AZIN1: variants seen among roughly 807,000 people sequenced by gnomAD.
The protein encoded by AZIN1 is ornithine decarboxylase antizyme inhibitor.
Under a neutral mutation model 47.4 loss-of-function variants are expected in AZIN1, and 12 were observed. That is an observed-to-expected ratio of 0.25 (90% CI 0.16 to 0.41). AZIN1 has a LOEUF of 0.41. AZIN1 is among the 10% of genes least tolerant of loss of function. The pLI is 1.00. For missense variants in AZIN1, 410 were observed against 532.4 expected (o/e 0.77, Z 2.26); for synonymous variants, 155 against 176.3 (o/e 0.88, Z 0.96).
Position 102,828,501 on chromosome 8 carries a change from A to G in AZIN1, c.*66T>C. ...ATAAGATTGTTTAAATTATTTTTCCACACTGGAATGTTGACCAGACAAGCT... is the reference window on the plus strand; with the variant it reads ...ATAAGATTGTTTAAATTATTTTTCCGCACTGGAATGTTGACCAGACAAGCT... On this transcript the variant is annotated 3_prime_UTR_variant, in exon 12 of 12. Transcript: ENST00000337198. 9.6e-7 allele frequency: 1 copy of G among 1,038,820 alleles called. No individual in the cohort carries two copies. Among genetic ancestry groups the G allele is most frequent in the South Asian group, 1.6e-5 (1 of 62,326 alleles). 64.4% of individuals were successfully genotyped at this position (1,038,820 alleles called of 1,614,324 possible).
intron 6 of AZIN1, among the ~76,000 whole-genome samples, chr8:102,835,663 A>G (rs569359802): frequency 1.3e-5 from 2 of 152,300 alleles, no homozygotes; most frequent in African/African-American, 4.8e-5. Context: ...TAAATAATAA[A>G]ATTAAAGAAA....
chr8:102,848,113 C>T (rs549524862), intron 2 of AZIN1, among the ~76,000 whole-genome samples: 32 of 152,066 alleles, frequency 2.1e-4, no homozygotes, highest in African/African-American at 7.2e-4. Flanking sequence ...ACTCGGTATA[C>T]AGGATGGTAG....
At chr8:102,851,408 A>G in intron 2 of AZIN1, among the ~76,000 whole-genome samples, 1 of 152,212 alleles carries the variant, frequency 6.6e-6, no homozygotes, top group Non-Finnish European at 1.5e-5. Context: ...TAAGCAGGTT[A>G]TTAAGAAATC....
chr8:102,848,058 ATACT>A (rs1766851884), intron 2 of AZIN1, among the ~76,000 whole-genome samples: 1 of 152,202 alleles, frequency 6.6e-6, no homozygotes, highest in Admixed American at 6.5e-5. Flanking sequence ...AGATACACAG[ATACT>A]TACCACTGTG....
Position 102,843,543 on chromosome 8 carries a change from G to A in AZIN1, c.102+8C>T. The A allele has an allele frequency of 6.2e-7, 1 of 1,607,130 alleles. No individual in the cohort carries two copies. The highest frequency in any genetic ancestry group is 1.1e-5 in the South Asian group (1 of 90,690). ...TGACAAACACTGTATTTGAGAAATGGCACTTACCAGGGTATGTTCATAAAC... is the reference window on the plus strand; with the variant it reads ...TGACAAACACTGTATTTGAGAAATGACACTTACCAGGGTATGTTCATAAAC... On this transcript the variant is annotated splice_region_variant and intron_variant, in intron 3 of 11. Transcript: ENST00000337198.
At chr8:102,834,332 CCCCTCCTAGGGAGGT>C in intron 7 of AZIN1, 69 bp from the exon 8 acceptor site, 3 of 1,326,994 alleles carry the variant, frequency 2.3e-6, no homozygotes, top group Non-Finnish European at 3.2e-6. Flanking sequence ...TTTTAAAAAC[CCCCTCCTAGGGAGGT>C]AAATATCTGT....
chr8:102,849,527 T>C (rs929796812), intron 2 of AZIN1, among the ~76,000 whole-genome samples: 1 of 152,118 alleles, frequency 6.6e-6, no homozygotes, highest in Non-Finnish European at 1.5e-5. Flanking sequence ...GAACTAATTA[T>C]ATTAAACTTG....
At chr8:102,852,638 G>A (rs1022376119) in intron 2 of AZIN1, among the ~76,000 whole-genome samples, 3 of 152,106 alleles carry the variant, frequency 2.0e-5, no homozygotes, top group African/African-American at 4.8e-5. Context: ...CATGCACAAC[G>A]TGGCTGGACC....
intron 2 of AZIN1, among the ~76,000 whole-genome samples, chr8:102,856,997 C>T (rs956349905): frequency 6.6e-6 from 1 of 152,160 alleles, no homozygotes; most frequent in Non-Finnish European, 1.5e-5. Context: ...CAGTTTAACA[C>T]AAAAAGAACT....
chr8:102,843,236 A>T (rs145440258), intron 3 of AZIN1, among the ~76,000 whole-genome samples: 2 of 152,062 alleles, frequency 1.3e-5, no homozygotes. Context: ...AAATTGAGAA[A>T]AATGAGTAAG....
intron 3 of AZIN1, among the ~76,000 whole-genome samples, chr8:102,842,136 AC>A (rs1812240002): frequency 6.6e-6 from 1 of 151,962 alleles, no homozygotes; most frequent in South Asian, 2.1e-4. Flanking sequence ...AAAGAAAATC[AC>A]CTTAAGTAGC....
At chr8:102,853,872 TG>T (rs979088998) in intron 2 of AZIN1, among the ~76,000 whole-genome samples, 2 of 124,434 alleles carry the variant, frequency 1.6e-5, no homozygotes, top group Admixed American at 1.7e-4. Context: ...AATCGGGGGG[TG>T]GGGGGAGAAA....
intron 9 of AZIN1, 134 bp from the exon 10 acceptor site, chr8:102,830,070 G>A: frequency 1.1e-5 from 7 of 637,272 alleles, no homozygotes; most frequent in Non-Finnish European, 1.9e-5. Flanking sequence ...CACAAAGGAA[G>A]ATAACCAATG....
rs532805565 is a variant in AZIN1 at position 102,859,702 on chromosome 8, G to A, written c.-233-1552C>T. 2.6e-5 allele frequency among the ~76,000 whole-genome samples: 4 copies of A among 152,250 alleles called. No homozygotes were observed. In the South Asian group the frequency reaches 6.2e-4, roughly 24 times the overall value. On this transcript the variant is annotated intron_variant, in intron 1 of 11. Coordinates refer to ENST00000337198, the MANE Select transcript of AZIN1 (RefSeq NM_148174.4). ...AATACAAAAATCAGCTGGGCATGGC[G>A]GTGCACACCTGTAATCCCAGCTACT...
At chr8:102,849,082 G>A (rs1362338953) in intron 2 of AZIN1, among the ~76,000 whole-genome samples, 3 of 152,048 alleles carry the variant, frequency 2.0e-5, no homozygotes, top group Non-Finnish European at 2.9e-5. Flanking sequence ...CAGATCACGA[G>A]GTTGAGATCG....
At chr8:102,862,467 C>G (rs1167870704) in intron 1 of AZIN1, among the ~76,000 whole-genome samples, 1 of 152,164 alleles carries the variant, frequency 6.6e-6, no homozygotes, top group Non-Finnish European at 1.5e-5. Flanking sequence ...TAATCATTTT[C>G]TTTTGGAGTC....
chr8:102,838,304 C>T (rs140023388), intron 5 of AZIN1, among the ~76,000 whole-genome samples: 61 of 152,260 alleles, frequency 4.0e-4, no homozygotes, highest in Non-Finnish European at 8.4e-4. Flanking sequence ...GTCTAGGCTT[C>T]GAAGACACTG....
intron 5 of AZIN1, among the ~76,000 whole-genome samples, chr8:102,837,696 A>C (rs1811908554): frequency 6.6e-6 from 1 of 152,242 alleles, no homozygotes; most frequent in Non-Finnish European, 1.5e-5. Flanking sequence ...TTATCCACAC[A>C]AAGATTTACC....
At chr8:102,859,664 A>G (rs896708499) in intron 1 of AZIN1, among the ~76,000 whole-genome samples, 1 of 152,160 alleles carries the variant, frequency 6.6e-6, no homozygotes, top group Non-Finnish European at 1.5e-5. Context: ...GTGAAATCCC[A>G]TCTTCTACTA....
Sources: gnomAD v4.1 joint callset for allele counts (sites outside exome capture counted in the v4.1 genomes callset) on GRCh38, gnomAD v4.1.1 for gene constraint, MANE v1.5 for transcripts, NCBI Gene and HGNC (gene_info 2026-07-23, HGNC 2026-07-21) for gene names.